ZMYM2: variants seen among roughly 807,000 people sequenced by gnomAD.
ZMYM2 encodes the protein zinc finger MYM-type containing 2.
In ZMYM2, 56 loss-of-function variants were observed where a neutral mutation model predicts 162.8. That is an observed-to-expected ratio of 0.34 (90% confidence interval 0.28 to 0.43). The LOEUF is 0.43. Among genes scored for constraint, ZMYM2 ranks in the 20% least tolerant of loss-of-function variants. The pLI, the probability that ZMYM2 is intolerant of heterozygous loss-of-function variation, is 1.00. For missense variants in ZMYM2, 1,275 were observed against 1,621.8 expected (o/e 0.79, Z 3.67); for synonymous variants, 510 against 541.6 (o/e 0.94, Z 0.81).
intron 2 of ZMYM2, among the ~76,000 whole-genome samples, chr13:19,980,742 G>A (rs146264651): frequency 0.031 from 3,322 of 106,374 alleles, 57 homozygotes; most frequent in Middle Eastern, 0.11. Flanking sequence ...GACAGAGCGA[G>A]ACTCCATCTC....
the ZMYM2 span, among the ~76,000 whole-genome samples, chr13:19,901,188 A>C: frequency 6.6e-6 from 1 of 152,070 alleles, no homozygotes; most frequent in Non-Finnish European, 1.5e-5. Context: ...ATACCATTAC[A>C]TTGGGGACTA....
the ZMYM2 span, among the ~76,000 whole-genome samples, chr13:19,903,483 C>CAAAAAA: frequency 2.0e-3 from 165 of 83,720 alleles, no homozygotes; most frequent in Middle Eastern, 7.2e-3. Context: ...ACTAAAAATA[C>CAAAAAA]AAAAAAAAAA....
chr13:19,945,333 C>A, the ZMYM2 span, among the ~76,000 whole-genome samples: 1 of 152,118 alleles, frequency 6.6e-6, no homozygotes, highest in Non-Finnish European at 1.5e-5. Flanking sequence ...CTCACTACAA[C>A]CTCTGCCTCC....
At chr13:19,901,545 C>T in the ZMYM2 span, among the ~76,000 whole-genome samples, 66 of 152,020 alleles carry the variant, frequency 4.3e-4, no homozygotes, top group African/African-American at 1.4e-3. Context: ...CGCCCAGTGG[C>T]GCCATCTCAG....
chr13:19,864,214 C>G, the ZMYM2 span: 1 of 155,132 alleles, frequency 6.4e-6, no homozygotes, highest in Admixed American at 6.5e-5. Flanking sequence ...CGCGGTTGAA[C>G]TGGAGTCTTG....
At chr13:20,058,745 T>G in intron 15 of ZMYM2, 41 bp downstream of exon 15, 2 of 1,605,070 alleles carry the variant, frequency 1.2e-6, no homozygotes, top group Non-Finnish European at 1.7e-6. Context: ...CCCCATACCT[T>G]CATCTCACCT....
chr13:20,039,792 T>G (rs747805212), intron 12 of ZMYM2, among the ~76,000 whole-genome samples: 1 of 152,170 alleles, frequency 6.6e-6, no homozygotes, highest in Non-Finnish European at 1.5e-5. Context: ...GTTTTTAACA[T>G]GAAGGATGTT....
At chr13:19,867,745 A>C in the ZMYM2 span, among the ~76,000 whole-genome samples, 208 of 151,836 alleles carry the variant, frequency 1.4e-3, 1 homozygote, top group African/African-American at 4.9e-3. Context: ...CCTGCCTCAG[A>C]CTCTAGAGTA....
intron 15 of ZMYM2, among the ~76,000 whole-genome samples, 192 bp from the exon 16 acceptor site, chr13:20,059,255 T>G (rs1456033850): frequency 1.3e-5 from 2 of 152,010 alleles, no homozygotes; most frequent in East Asian, 3.9e-4. Flanking sequence ...TTGTATTTTC[T>G]GTAAGTTAGA....
At chr13:19,986,047 T>A (rs918554848) in intron 2 of ZMYM2, among the ~76,000 whole-genome samples, 3 of 151,522 alleles carry the variant, frequency 2.0e-5, no homozygotes, top group Non-Finnish European at 2.9e-5. Context: ...AAAATCAGCC[T>A]GGCGTGTGGC....
At chr13:19,978,041 T>A (rs1956949852) in intron 2 of ZMYM2, among the ~76,000 whole-genome samples, 1 of 151,696 alleles carries the variant, frequency 6.6e-6, no homozygotes. Flanking sequence ...CACGCCTGGC[T>A]AATGTTTTTG....
At chr13:20,063,770 C>T (rs1018843422) in intron 18 of ZMYM2, among the ~76,000 whole-genome samples, 2 of 20,100 alleles carry the variant, frequency 1.0e-4, no homozygotes, top group Non-Finnish European at 3.8e-4. Flanking sequence ...AAGAGCAAAA[C>T]TCTGTCTCAA....
chr13:19,971,290 G>C (rs1485083730), intron 2 of ZMYM2, among the ~76,000 whole-genome samples: 11 of 99,884 alleles, frequency 1.1e-4, no homozygotes, highest in Non-Finnish European at 1.4e-4. Context: ...TTTTCCTTGA[G>C]ATGGAGTTTC....
At chr13:20,021,097 T>TC (rs148839194) in intron 7 of ZMYM2, among the ~76,000 whole-genome samples, 4,199 of 152,024 alleles carry the variant, frequency 0.028, 186 homozygotes, top group African/African-American at 0.093. Context: ...TGCCTCAGCC[T>TC]CCCTAGTAGC....
chr13:20,060,925 T>C (rs1438415608), intron 16 of ZMYM2, 128 bp from the exon 17 acceptor site: 2 of 844,156 alleles, frequency 2.4e-6, no homozygotes, highest in Non-Finnish European at 3.6e-6. Flanking sequence ...TAGTTTTGTA[T>C]GTGTTCTTTT....
the ZMYM2 span, among the ~76,000 whole-genome samples, chr13:19,909,544 C>T: frequency 4.6e-5 from 7 of 151,306 alleles, no homozygotes; most frequent in Non-Finnish European, 7.4e-5. Flanking sequence ...GCGATTCTCC[C>T]GCCTCAGCCT....
At chr13:19,968,880 C>T (rs1956046216) in intron 2 of ZMYM2, among the ~76,000 whole-genome samples, 1 of 152,138 alleles carries the variant, frequency 6.6e-6, no homozygotes, top group Non-Finnish European at 1.5e-5. Flanking sequence ...TGTAAGTTCT[C>T]ACTGTTCAGT....
At chr13:19,880,280 A>G in the ZMYM2 span, among the ~76,000 whole-genome samples, 1 of 152,190 alleles carries the variant, frequency 6.6e-6, no homozygotes, top group Non-Finnish European at 1.5e-5. Flanking sequence ...TTGCAATATT[A>G]AGTCTTTCAG....
intron 9 of ZMYM2, among the ~76,000 whole-genome samples, chr13:20,030,689 C>T (rs1358385533): frequency 8.5e-5 from 13 of 152,138 alleles, no homozygotes; most frequent in Non-Finnish European, 1.3e-4. Context: ...TGAGCCACCA[C>T]GCCTGGCCTA....
Sources: gnomAD v4.1 joint callset for allele counts (sites outside exome capture counted in the v4.1 genomes callset) on GRCh38, gnomAD v4.1.1 for gene constraint, MANE v1.5 for transcripts, NCBI Gene and HGNC (gene_info 2026-07-23, HGNC 2026-07-21) for gene names.